CNTN1: variants seen among roughly 807,000 people sequenced by gnomAD.
CNTN1 encodes the protein contactin 1.
CNTN1 carries 38 observed loss-of-function variants against 126.4 expected under a neutral mutation model. That is an observed-to-expected ratio of 0.30 (90% confidence interval 0.23 to 0.39). CNTN1 has a LOEUF of 0.39. Among genes scored for constraint, CNTN1 ranks in the 10% least tolerant of loss-of-function variants. The probability of loss-of-function intolerance (pLI) is 1.00; values close to 1 mark genes in which losing one functional copy is unlikely to be tolerated. For missense variants in CNTN1, 1,009 were observed against 1,248.4 expected, an observed-to-expected ratio of 0.81 and a Z score of 2.89; for synonymous variants, 413 against 422.6, an observed-to-expected ratio of 0.98 and a Z score of 0.28.
intron 1 of CNTN1, among the ~76,000 whole-genome samples, chr12:40,721,541 C>A (rs1490969666): frequency 6.6e-6 from 1 of 151,098 alleles, no homozygotes; most frequent in Non-Finnish European, 1.5e-5. Flanking sequence ...GGACATCTTA[C>A]ATTAATTATT....
At chr12:40,809,367 A>C (rs1365298877) in intron 1 of CNTN1, among the ~76,000 whole-genome samples, 1 of 152,198 alleles carries the variant, frequency 6.6e-6, no homozygotes, top group Non-Finnish European at 1.5e-5. Context: ...ACTTGCTGGT[A>C]CATTAATATC....
intron 17 of CNTN1, among the ~76,000 whole-genome samples, chr12:41,000,382 T>C (rs889327998): frequency 6.6e-6 from 1 of 152,180 alleles, no homozygotes; most frequent in African/African-American, 2.4e-5. Context: ...CTTTTTGTTT[T>C]CCTATAGCAT....
At chr12:40,937,835 A>G (rs1946131885) in intron 11 of CNTN1, 148 bp downstream of exon 11, 2 of 662,974 alleles carry the variant, frequency 3.0e-6, no homozygotes, top group South Asian at 1.6e-5. Flanking sequence ...ATTGCTAATT[A>G]TCATAATTCA....
Position 40,887,607 on chromosome 12 carries a change from A to G in CNTN1, c.-76-20750A>G, listed in dbSNP as rs368176665. Among the ~76,000 whole-genome samples the G allele has an allele frequency of 8.5e-5, 13 of 152,054 alleles. No homozygotes were observed. In the East Asian group the frequency reaches 1.2e-3, roughly 14 times the overall value. On this transcript the variant is annotated intron_variant, in intron 1 of 23. Transcript: ENST00000551295. ...CAACCCTTGTGGAAGTCAGTGTGGC[A>G]ATTCCTCAGGGATCTAGAACTAGAA... is the stretch of plus-strand genomic sequence containing the variant.
At chr12:40,833,805 T>C (rs1176235985) in intron 1 of CNTN1, among the ~76,000 whole-genome samples, 2 of 152,228 alleles carry the variant, frequency 1.3e-5, no homozygotes, top group Non-Finnish European at 2.9e-5. Flanking sequence ...TAATTTGTAG[T>C]ATGTCATATC....
rs1946122771 is a variant in CNTN1 at position 40,937,552 on chromosome 12, C to A, written c.1111-18C>A. ...ATTAAAGTTCATTGAGAATATGTTT[C>A]AATTTTATTCTTTTCAGTATCATAA... On this transcript the variant is annotated intron_variant, in intron 10 of 23. Coordinates refer to ENST00000551295, the MANE Select transcript of CNTN1 (RefSeq NM_001843.4). 6.9e-7 allele frequency: 1 copy of A among 1,444,072 alleles called. No homozygotes were observed. The highest frequency in any genetic ancestry group is 1.4e-5 in the African/African-American group (1 of 71,498). 89.5% of individuals were successfully genotyped at this position (1,444,072 alleles called of 1,614,324 possible).
At chr12:40,740,326 T>G (rs544499882) in intron 1 of CNTN1, among the ~76,000 whole-genome samples, 1 of 152,078 alleles carries the variant, frequency 6.6e-6, no homozygotes, top group Admixed American at 6.6e-5. Context: ...CCATCCTCCT[T>G]ATCTTTTTAC....
At chr12:40,815,643 C>T (rs1422724580) in intron 1 of CNTN1, among the ~76,000 whole-genome samples, 1 of 152,096 alleles carries the variant, frequency 6.6e-6, no homozygotes. Context: ...CCCCTTATTT[C>T]TTTCTGTTAC....
chr12:40,961,111 AG>A (rs2137012716), intron 15 of CNTN1, among the ~76,000 whole-genome samples: 1 of 152,170 alleles, frequency 6.6e-6, no homozygotes, highest in African/African-American at 2.4e-5. Context: ...ATCAATAAAA[AG>A]AAGCTATAGC....
rs1383071330 is a variant in CNTN1, at chr12:41,070,973, G to A, written c.*938G>A. 2 of 151,990 alleles carry A rather than the reference G, an allele frequency of 1.3e-5. No individual in the cohort carries two copies. The highest frequency in any genetic ancestry group is 4.8e-5 in the African/African-American group (2 of 41,416). The allele number at this position is 151,990 out of a possible 1,614,324, so 9.4% of individuals were successfully genotyped here. On this transcript the variant is annotated 3_prime_UTR_variant, in exon 24 of 24. Transcript: ENST00000551295. ...AAGTGAATATCACAATTACTAGTATGTTGGTTTTTCTGCTTCATTCCTAAG... is the reference window on the plus strand; with the variant it reads ...AAGTGAATATCACAATTACTAGTATATTGGTTTTTCTGCTTCATTCCTAAG...
At chr12:40,695,841 T>C (rs1941436874) in intron 1 of CNTN1, among the ~76,000 whole-genome samples, 1 of 152,212 alleles carries the variant, frequency 6.6e-6, no homozygotes, top group Non-Finnish European at 1.5e-5. Flanking sequence ...ATCCCCCAAA[T>C]TGATGACAAT....
chr12:40,932,998 CCTT>C (rs1392137140), intron 7 of CNTN1, among the ~76,000 whole-genome samples: 3 of 151,458 alleles, frequency 2.0e-5, no homozygotes, highest in East Asian at 3.9e-4. Context: ...TTCCCTCTCT[CCTT>C]CTCTCTTTTC....
intron 1 of CNTN1, among the ~76,000 whole-genome samples, chr12:40,873,285 A>G (rs1399844113): frequency 6.6e-6 from 1 of 152,164 alleles, no homozygotes; most frequent in East Asian, 1.9e-4. Context: ...ATTCCTGAAA[A>G]TTTTAGCAAT....
intron 1 of CNTN1, among the ~76,000 whole-genome samples, chr12:40,807,671 A>C (rs1221064571): frequency 1.3e-5 from 2 of 151,860 alleles, no homozygotes; most frequent in African/African-American, 4.8e-5. Context: ...CCTCAAAATT[A>C]TTTTCTGTTC....
chr12:41,055,283 C>T (rs528914891), intron 23 of CNTN1, among the ~76,000 whole-genome samples: 1 of 152,090 alleles, frequency 6.6e-6, no homozygotes, highest in South Asian at 2.1e-4. Context: ...TGTGAATATC[C>T]AGGATAACTT....
At chr12:40,803,892 C>T (rs555554074) in intron 1 of CNTN1, among the ~76,000 whole-genome samples, 1 of 151,854 alleles carries the variant, frequency 6.6e-6, no homozygotes, top group South Asian at 2.1e-4. Context: ...TAAAGTGCAT[C>T]CACTTTAAAG....
intron 2 of CNTN1, among the ~76,000 whole-genome samples, chr12:40,908,806 A>T (rs930070346): frequency 6.6e-6 from 1 of 152,156 alleles, no homozygotes; most frequent in African/African-American, 2.4e-5. Context: ...TCAACCTGAC[A>T]TCATTTAATG....
At chr12:40,703,281 C>T (rs972297283) in intron 1 of CNTN1, among the ~76,000 whole-genome samples, 1 of 152,062 alleles carries the variant, frequency 6.6e-6, no homozygotes, top group Non-Finnish European at 1.5e-5. Flanking sequence ...TCCCTATAGA[C>T]TAAATTTTGC....
chr12:41,015,009 A>T (rs278900), intron 18 of CNTN1, among the ~76,000 whole-genome samples: 14,263 of 152,200 alleles, frequency 0.094, 1,082 homozygotes, highest in African/African-American at 0.2. Flanking sequence ...ATCACTGCAG[A>T]TAGTCAAAGA....
Sources: gnomAD v4.1 joint callset for allele counts (sites outside exome capture counted in the v4.1 genomes callset) on GRCh38, gnomAD v4.1.1 for gene constraint, MANE v1.5 for transcripts, NCBI Gene and HGNC (gene_info 2026-07-23, HGNC 2026-07-21) for gene names.